The following THBS3 variants were observed in gnomAD, a reference collection of about 807,000 sequenced individuals.
THBS3 encodes the protein thrombospondin-3.
A neutral mutation model predicts 118.3 loss-of-function variants in THBS3; 78 were observed. The ratio of observed to expected loss-of-function variants is 0.66; its 90% CI spans 0.55 to 0.80. The LOEUF is 0.80. Among genes scored for constraint, THBS3 ranks in the 30% least tolerant of loss-of-function variants. THBS3 has a pLI of 0.00. For synonymous variants in THBS3, 427 were observed against 475.3 expected (o/e 0.90, Z 1.32); for missense variants, 1,057 against 1,247.4 (o/e 0.85, Z 2.30).
chr1:155,205,451 T>C, intron 2 of THBS3, 135 bp from the exon 3 acceptor site: 1 of 1,176,934 alleles, frequency 8.5e-7, no homozygotes, highest in South Asian at 1.5e-5. Context: ...CTCAACACCT[T>C]GTATTTAATA....
chr1:155,202,671 A>T lies in THBS3; in HGVS notation c.957+141T>A. ...TTGCCCCAGGCCTTCTGTCTCTCCCATCTTGCATTTCTCTTGCCTCTGACC... is the reference window on the plus strand; with the variant it reads ...TTGCCCCAGGCCTTCTGTCTCTCCCTTCTTGCATTTCTCTTGCCTCTGACC... On this transcript the variant is annotated intron_variant, in intron 8 of 22. Coordinates refer to ENST00000368378, the MANE Select transcript of THBS3 (RefSeq NM_007112.5). The surrounding 1 kb of genome is among the most constrained non-coding windows in gnomAD (Gnocchi z 5.5). 7.9e-7 allele frequency: 1 copy of T among 1,264,746 alleles called. No homozygotes were observed. The highest frequency in any genetic ancestry group is 1.1e-6 in the Non-Finnish European group (1 of 922,430). The allele number at this position is 1,264,746 out of a possible 1,614,324, so 78.3% of individuals were successfully genotyped here.
At chr1:155,208,730 G>C, upstream of THBS3, 11 of 616,914 alleles carry the variant, frequency 1.8e-5, no homozygotes, top group African/African-American at 4.0e-5. Flanking sequence ...TCCGGCCGCC[G>C]CCACCGCCCC....
rs145464357 is a variant in THBS3 at position 155,203,305 on chromosome 1, C to G, written c.674G>C (p.Gly225Ala). The G allele has an allele frequency of 5.0e-6, 8 of 1,613,824 alleles. No homozygotes were observed. In the Admixed American group the frequency reaches 1.2e-4, roughly 24 times the overall value. The change falls in exon 6 of 23, where the codon GGG becomes GCG. Residue 225 changes from glycine (G) to alanine (A), a missense_variant and splice_region_variant. Around this residue, in one of 3 missense-constraint regions of THBS3, gnomAD observed 544 missense variants for 715.6 expected, o/e 0.76. Transcript: ENST00000368378. ...AVTNALHSIL[G>A]EQTKALVTQL... The stretch of plus-strand genomic sequence containing the variant: ...GGTGACCAGCGCCTTGGTCTGCTCC[C>G]CTGTCGGGACCCAGGGTGTGAGGGG...
In THBS3 at chr1:155,197,796, C is replaced by G. The variant is rs1668938170; in HGVS notation, c.2302+84G>C. On this transcript the variant is annotated intron_variant, in intron 19 of 22. Coordinates refer to ENST00000368378, the MANE Select transcript of THBS3 (RefSeq NM_007112.5). The surrounding 1 kb of genome is among the most constrained non-coding windows in gnomAD (Gnocchi z 5.0). ...CTTCTCTCTCGCCACTTTGCCCATT[C>G]TCCCTGTCTGTTTCCTCCCCTACCC... The G allele has an allele frequency of 4.4e-6, 7 of 1,603,342 alleles. No individual in the cohort carries two copies. Among genetic ancestry groups the G allele is most frequent in the Non-Finnish European group, 6.0e-6 (7 of 1,171,136 alleles).
rs377252492 is a variant in THBS3, at chr1:155,202,435, G to A, written c.958-34C>T. The A allele has an allele frequency of 2.9e-5, 46 of 1,607,186 alleles. No individual in the cohort carries two copies. The highest frequency in any genetic ancestry group is 1.0e-4 in the Admixed American group (6 of 59,358). ...CAGATGAGAAGGCAGAGGTCAGGCC[G>A]CCCTCTGGGAAACTCAGGTCCCTGC... On this transcript the variant is annotated intron_variant, in intron 8 of 22. Transcript: ENST00000368378. The surrounding 1 kb of genome is among the most constrained non-coding windows in gnomAD (Gnocchi z 5.5).
chr1:155,199,740 G>C, intron 16 of THBS3, 64 bp downstream of exon 16: 4 of 1,579,550 alleles, frequency 2.5e-6, no homozygotes, highest in Middle Eastern at 1.7e-4. Context: ...AGGTGACAGA[G>C]CAAGACTCCG....
chr1:155,195,884 T>A lies in THBS3; in HGVS notation c.2828A>T (p.Asp943Val). The A allele has an allele frequency of 6.2e-7, 1 of 1,614,058 alleles. No homozygotes were observed. Among genetic ancestry groups the A allele is most frequent in the Non-Finnish European group, 8.5e-7 (1 of 1,179,990 alleles). ...QYRCNDTVPE[D>V]FEPFRRQLLQ... ...CAGCTGCCTCCGGAATGGCTCAAAG[T>A]CCTCAGGCACTGTGTCTGAAGAAGG... Residue 943 changes from aspartate to valine, a missense_variant, in exon 23 of 23, where the codon GAC (aspartate) becomes GTC (valine). Asp to Val is a radical substitution (Grantham distance 152). This residue lies in a region of THBS3 where 307 missense variants were observed against 326.1 expected (regional missense o/e 0.94). Coordinates refer to ENST00000368378, the MANE Select transcript of THBS3 (RefSeq NM_007112.5).
At position 155,201,178 on chromosome 1, in the gene THBS3, C is replaced by T. The variant is rs1385302296; in HGVS notation, c.1356G>A (p.Gly452=). 6.2e-7 allele frequency: 1 copy of T among 1,614,040 alleles called. No individual in the cohort carries two copies. ...CQCNVGWAGN[G]NVCGTDTDID... is the part of the protein sequence containing the mutation. ...TGTCTGTGTCAGTCCCACACACGTT[C>T]CCATTCCCAGCCCAGCCCACGTTAC... is the stretch of plus-strand genomic sequence containing the variant. The change falls in exon 12 of 23, where the codon GGG becomes GGA. Residue 452 remains glycine, a synonymous_variant. Transcript: ENST00000368378.
intron 16 of THBS3, 63 bp downstream of exon 16, chr1:155,199,741 C>T: frequency 6.3e-7 from 1 of 1,582,438 alleles, no homozygotes. Flanking sequence ...GGTGACAGAG[C>T]AAGACTCCGT....
chr1:155,209,030 G>A, upstream of THBS3: 1 of 1,568,190 alleles, frequency 6.4e-7, no homozygotes, highest in Non-Finnish European at 8.6e-7. Context: ...GTCCCGCTAC[G>A]TGGGCCACCT....
At chr1:155,204,757 A>G in intron 4 of THBS3, 98 bp downstream of exon 4, 2 of 1,132,828 alleles carry the variant, frequency 1.8e-6, no homozygotes, top group Non-Finnish European at 2.7e-6. Flanking sequence ...GGTGAGCCAA[A>G]GGAATGGGTT....
Position 155,206,337 on chromosome 1 carries a change from A to C in THBS3, c.149T>G (p.Leu50Trp). The change falls in exon 2 of 23, where the codon TTG becomes TGG. Residue 50 changes from leucine to tryptophan, a missense_variant. Leu to Trp is a moderately conservative substitution (Grantham distance 61). This residue lies in a region of THBS3 where 206 missense variants were observed against 205.7 expected (regional missense o/e 1.00). Coordinates refer to ENST00000368378, the MANE Select transcript of THBS3 (RefSeq NM_007112.5). The surrounding 1 kb of genome is among the most constrained non-coding windows in gnomAD (Gnocchi z 4.2). Reference protein sequence around the residue: ...VAVAEKIRTALLTAGDIYLLS... With the variant: ...VAVAEKIRTAWLTAGDIYLLS... Reference sequence around the variant, plus strand: ...GAGGTAGATGTCCCCAGCAGTGAGCAAGGCTGTCCGGATCTTCTCTGCCAC... The same window carrying C: ...GAGGTAGATGTCCCCAGCAGTGAGCCAGGCTGTCCGGATCTTCTCTGCCAC... 6.2e-7 allele frequency: 1 copy of C among 1,614,156 alleles called. No individual in the cohort carries two copies. Among genetic ancestry groups the C allele is most frequent in the South Asian group, 1.1e-5 (1 of 91,080 alleles).
At chr1:155,203,711 T>C (rs558529236) in intron 4 of THBS3, among the ~76,000 whole-genome samples, 172 bp from the exon 5 acceptor site, 30 of 152,188 alleles carry the variant, frequency 2.0e-4, no homozygotes, top group Non-Finnish European at 3.5e-4. Context: ...GCCAGCTCCT[T>C]CTATGGGGCA....
At chr1:155,200,687 A>T in intron 13 of THBS3, 77 bp from the exon 14 acceptor site, 1 of 1,579,226 alleles carries the variant, frequency 6.3e-7, no homozygotes, top group Non-Finnish European at 8.6e-7. Context: ...TTGTCTCTGT[A>T]TCCTTTTCTA....
At position 155,202,696 on chromosome 1, in the gene THBS3, C is replaced by A; in HGVS notation, c.957+116G>T. On this transcript the variant is annotated intron_variant, in intron 8 of 22. Transcript: ENST00000368378. This position sits in a 1 kb window ranked among gnomAD's most constrained non-coding sequence, Gnocchi z 5.5. Reference sequence around the variant, plus strand: ...ATCTTGCATTTCTCTTGCCTCTGACCTCTCCTAAACTCCAGATTCCTCTCC... The same window carrying A: ...ATCTTGCATTTCTCTTGCCTCTGACATCTCCTAAACTCCAGATTCCTCTCC... The A allele has an allele frequency of 7.0e-7, 1 of 1,427,632 alleles. No homozygotes were observed. 88.4% of individuals were successfully genotyped at this position (1,427,632 alleles called of 1,614,324 possible).
intron 11 of THBS3, 92 bp downstream of exon 11, chr1:155,201,325 T>C: frequency 6.4e-7 from 1 of 1,571,610 alleles, no homozygotes; most frequent in African/African-American, 1.3e-5. Context: ...CCCACCTCTC[T>C]CCTATGAAGA....
chr1:155,198,991 G>A (rs540661246), intron 16 of THBS3, among the ~76,000 whole-genome samples: 5 of 151,968 alleles, frequency 3.3e-5, no homozygotes, highest in South Asian at 2.1e-4. Flanking sequence ...TTGGTAGCAC[G>A]CGCCTGTAAT....
rs536670717 is a variant in THBS3 at position 155,197,073 on chromosome 1, C to T, written c.2640G>A (p.Gln880=). The T allele has an allele frequency of 6.2e-7, 1 of 1,614,090 alleles. No individual in the cohort carries two copies. Among genetic ancestry groups the T allele is most frequent in the Admixed American group, 1.7e-5 (1 of 60,028 alleles). Reference sequence around the variant, plus strand: ...AGCCAACTTGAGGCCGGTGCAGAAGCTGCCAGCGATAGGAGGTCTTGTCCC... The same window carrying T: ...AGCCAACTTGAGGCCGGTGCAGAAGTTGCCAGCGATAGGAGGTCTTGTCCC... ...GWRDKTSYRW[Q]LLHRPQVGYI... The change falls in exon 21 of 23, where the codon CAG becomes CAA. Residue 880 remains glutamine, a synonymous_variant. Transcript: ENST00000368378. The surrounding 1 kb of genome is among the most constrained non-coding windows in gnomAD (Gnocchi z 5.0).
At position 155,206,247 on chromosome 1, in the gene THBS3, T is replaced by C; in HGVS notation, c.239A>G (p.Asp80Gly). The C allele has an allele frequency of 3.1e-6, 5 of 1,614,120 alleles. No individual in the cohort carries two copies. The highest frequency in any genetic ancestry group is 4.2e-6 in the Non-Finnish European group (5 of 1,180,034). ...AGAGGCCTCCAGCCATCGAGTGTTG[T>C]CTTGGCGAGAATAGAGGCCAAAGAG... ...GVLFGLYSRQ[D>G]NTRWLEASVV... Residue 80 changes from aspartate (D) to glycine (G), a missense_variant, in exon 2 of 23, where the codon GAC becomes GGC. This residue lies in a region of THBS3 where 206 missense variants were observed against 205.7 expected (regional missense o/e 1.00). Coordinates refer to ENST00000368378, the MANE Select transcript of THBS3 (RefSeq NM_007112.5). The surrounding 1 kb of genome is among the most constrained non-coding windows in gnomAD (Gnocchi z 4.2).
Sources: gnomAD v4.1 joint callset for allele counts (sites outside exome capture counted in the v4.1 genomes callset) on GRCh38, gnomAD v4.1.1 for gene constraint, gnomAD v4.1.1 regional missense constraint, Gnocchi (gnomAD v3.1) non-coding constraint, MANE v1.5 for transcripts, NCBI Gene and HGNC (gene_info 2026-07-23, HGNC 2026-07-21) for gene names.